Variants in RALYL observed in about 807,000 individuals in gnomAD.
RALYL encodes RALY RNA binding protein like, also known as RNA-binding Raly-like protein.
Under a neutral mutation model 35.1 loss-of-function variants are expected in RALYL, and 29 were observed. The ratio of observed to expected loss-of-function variants is 0.83; its 90% CI spans 0.61 to 1.13. The LOEUF is 1.13. Ranked by LOEUF, RALYL falls within the 50% of genes most tolerant of loss-of-function variation. The pLI is 0.00. For synonymous variants in RALYL, 120 were observed against 127.6 expected (o/e 0.94, Z 0.40); for missense variants, 359 against 360.4 (o/e 1.00, Z 0.03).
At chr8:84,756,139 C>T (rs955916751) in intron 2 of RALYL, among the ~76,000 whole-genome samples, 1 of 151,714 alleles carries the variant, frequency 6.6e-6, no homozygotes, top group African/African-American at 2.4e-5. Flanking sequence ...ATTATATTAC[C>T]CCTATGGCAC....
chr8:84,725,738 T>C (rs553870186), intron 2 of RALYL, among the ~76,000 whole-genome samples: 38 of 151,758 alleles, frequency 2.5e-4, no homozygotes, highest in African/African-American at 8.9e-4. Context: ...TGCAGATAAA[T>C]GAAACCCATA....
intron 1 of RALYL, among the ~76,000 whole-genome samples, chr8:84,427,638 C>G (rs1407204388): frequency 6.6e-6 from 1 of 152,074 alleles, no homozygotes; most frequent in African/African-American, 2.4e-5. Flanking sequence ...ACTCATCTTC[C>G]CATGTCCTGT....
intron 3 of RALYL, among the ~76,000 whole-genome samples, chr8:84,781,598 ATTTG>A (rs1467275505): frequency 1.3e-5 from 2 of 152,212 alleles, no homozygotes; most frequent in East Asian, 1.9e-4. Flanking sequence ...CTACATTACT[ATTTG>A]TTTGGTTTGA....
At chr8:84,897,598 A>G (rs1444328157) in intron 8 of RALYL, among the ~76,000 whole-genome samples, 1 of 152,074 alleles carries the variant, frequency 6.6e-6, no homozygotes, top group African/African-American at 2.4e-5. Flanking sequence ...TTTGCTATAG[A>G]TTTGTTCTCT....
rs16912612 is a variant in RALYL at position 84,250,055 on chromosome 8, G to A, written c.-24+65631G>A. On this transcript the variant is annotated intron_variant, in intron 1 of 8. Coordinates refer to ENST00000521268, the MANE Select transcript of RALYL (RefSeq NM_173848.7). ...TCAGATTAATTTATTACAATATCCA[G>A]TGTCCTGCTTTATTAAACAGCTGAG... Among the ~76,000 whole-genome samples the A allele has an allele frequency of 8.3e-3, 1,258 of 151,992 alleles. 23 individuals are homozygous for A. The highest frequency in any genetic ancestry group is 0.029 in the African/African-American group (1,214 of 41,508).
intron 1 of RALYL, among the ~76,000 whole-genome samples, chr8:84,510,483 C>T (rs189746007): frequency 6.6e-5 from 10 of 152,196 alleles, no homozygotes; most frequent in East Asian, 3.9e-4. Flanking sequence ...AAGAAATCCT[C>T]GGTAGCAATT....
At chr8:84,266,562 G>C (rs1160951700) in intron 1 of RALYL, among the ~76,000 whole-genome samples, 2 of 152,176 alleles carry the variant, frequency 1.3e-5, no homozygotes, top group African/African-American at 2.4e-5. Context: ...GACAGATCAG[G>C]CTAGCCCTCT....
intron 4 of RALYL, among the ~76,000 whole-genome samples, chr8:84,814,366 A>G (rs965581016): frequency 6.6e-6 from 1 of 152,228 alleles, no homozygotes; most frequent in African/African-American, 2.4e-5. Context: ...AAAAATTGTC[A>G]TGAAATGAGT....
At chr8:84,413,225 G>C (rs1391206689) in intron 1 of RALYL, among the ~76,000 whole-genome samples, 1 of 151,132 alleles carries the variant, frequency 6.6e-6, no homozygotes, top group Admixed American at 6.6e-5. Flanking sequence ...TCAAGTTCTG[G>C]AAATTTTTAA....
At chr8:84,455,306 T>A (rs1301419757) in intron 1 of RALYL, among the ~76,000 whole-genome samples, 1 of 151,966 alleles carries the variant, frequency 6.6e-6, no homozygotes, top group Non-Finnish European at 1.5e-5. Context: ...GTATAAAAGA[T>A]AAGGCATTCA....
At chr8:84,762,233 C>T (rs1812888646) in intron 2 of RALYL, among the ~76,000 whole-genome samples, 1 of 152,148 alleles carries the variant, frequency 6.6e-6, no homozygotes, top group Admixed American at 6.6e-5. Context: ...TACACAACAG[C>T]TAGAAGAATT....
intron 1 of RALYL, among the ~76,000 whole-genome samples, chr8:84,339,985 G>T (rs189393832): frequency 2.0e-5 from 3 of 152,064 alleles, no homozygotes; most frequent in East Asian, 3.9e-4. Flanking sequence ...ATGGGGATGG[G>T]TTTTTCCCAT....
chr8:84,210,664 G>A (rs1487880678), intron 1 of RALYL, among the ~76,000 whole-genome samples: 3 of 152,126 alleles, frequency 2.0e-5, no homozygotes, highest in Non-Finnish European at 1.5e-5. Context: ...CACAATCCAT[G>A]CTGTAAGGTC....
intron 2 of RALYL, among the ~76,000 whole-genome samples, chr8:84,695,723 T>G (rs1282694693): frequency 6.6e-6 from 1 of 151,856 alleles, no homozygotes; most frequent in African/African-American, 2.4e-5. Context: ...AGAAATTGTT[T>G]GCACCGTGAT....
intron 1 of RALYL, among the ~76,000 whole-genome samples, chr8:84,272,182 T>C (rs1436266070): frequency 6.6e-6 from 1 of 152,106 alleles, no homozygotes; most frequent in Non-Finnish European, 1.5e-5. Flanking sequence ...AACCTCCACC[T>C]CCCAGGTTCA....
chr8:84,650,683 A>T (rs1828568848), intron 2 of RALYL, among the ~76,000 whole-genome samples: 1 of 151,934 alleles, frequency 6.6e-6, no homozygotes, highest in Non-Finnish European at 1.5e-5. Flanking sequence ...AGGGATCTAG[A>T]ACTAGAAATA....
chr8:84,918,694 TAGA>T (rs1313799272), intron 8 of RALYL, among the ~76,000 whole-genome samples: 2 of 152,162 alleles, frequency 1.3e-5, no homozygotes, highest in African/African-American at 4.8e-5. Context: ...TTTCTCATAC[TAGA>T]AGTTTTATGG....
intron 4 of RALYL, among the ~76,000 whole-genome samples, chr8:84,838,979 G>T (rs1192202953): frequency 6.6e-6 from 1 of 152,102 alleles, no homozygotes. Flanking sequence ...ACAATTTGGG[G>T]GCGGCAGGTG....
chr8:84,206,542 G>A (rs1429412251), intron 1 of RALYL, among the ~76,000 whole-genome samples: 1 of 152,170 alleles, frequency 6.6e-6, no homozygotes, highest in East Asian at 1.9e-4. Flanking sequence ...TCAATTAGAG[G>A]ACAATATGAA....
Sources: allele counts gnomAD v4.1 joint callset (sites outside exome capture counted in the v4.1 genomes callset), GRCh38; gene constraint gnomAD v4.1.1; transcripts MANE v1.5; gene names NCBI Gene and HGNC (gene_info 2026-07-23, HGNC 2026-07-21).